Variants in MAP3K20 observed in about 807,000 individuals in gnomAD.
The protein encoded by MAP3K20 is mitogen-activated protein kinase kinase kinase 20.
A neutral mutation model predicts 85.7 loss-of-function variants in MAP3K20; 40 were observed. The observed-to-expected ratio is 0.47, with a 90% CI of 0.36 to 0.61. MAP3K20 has a LOEUF of 0.61. Among genes scored for constraint, MAP3K20 ranks in the 20% least tolerant of loss-of-function variants. The probability of loss-of-function intolerance (pLI) is 0.00; values close to 1 mark genes in which losing one functional copy is unlikely to be tolerated. For missense variants in MAP3K20, 817 were observed against 961.7 expected (o/e 0.85, Z 1.99); for synonymous variants, 325 against 327.7 (o/e 0.99, Z 0.09).
intron 16 of MAP3K20, among the ~76,000 whole-genome samples, chr2:173,252,546 T>C (rs1685062931): frequency 6.6e-6 from 1 of 152,184 alleles, no homozygotes; most frequent in African/African-American, 2.4e-5. Flanking sequence ...CCCAACAAAA[T>C]TCCATTTGTT....
chr2:173,178,649 A>G (rs1690238156), intron 3 of MAP3K20, among the ~76,000 whole-genome samples: 1 of 152,192 alleles, frequency 6.6e-6, no homozygotes, highest in South Asian at 2.1e-4. Context: ...TTCAAAAAAT[A>G]ATAATAATTG....
intron 2 of MAP3K20, among the ~76,000 whole-genome samples, chr2:173,094,501 C>T (rs1206641676): frequency 2.0e-5 from 3 of 152,142 alleles, no homozygotes; most frequent in African/African-American, 7.2e-5. Flanking sequence ...TTTTTCCAAC[C>T]CAGGATCCAA....
rs539242765 is a variant in MAP3K20 at position 173,194,775 on chromosome 2, T to TA, written c.583-3247dup. 2.7e-3 allele frequency among the ~76,000 whole-genome samples: 404 copies of TA among 151,964 alleles called. 6 individuals carry two copies. Among genetic ancestry groups the TA allele is most frequent in the Non-Finnish European group, 3.7e-3 (254 of 67,898 alleles). On this transcript the variant is annotated intron_variant, in intron 7 of 19. Transcript: ENST00000375213. ...ACCATTAAAAAAAAGGTTTTTTTTT[T>TA]AAAATCCACCCAAAAAACTGCAATA...
Position 173,266,359 on chromosome 2 carries a change from G to A in MAP3K20, c.2012G>A (p.Gly671Asp), listed in dbSNP as rs376222255. 1.2e-6 allele frequency: 2 copies of A among 1,614,132 alleles called. No individual in the cohort carries two copies. The highest frequency in any genetic ancestry group is 1.7e-5 in the Admixed American group (1 of 60,016). ...AATACTGACACCTCTTCAGAGAGGG[G>A]TCGATACTCAGACAGAAGCAGGAAC... ...SGNTDTSSER[G>D]RYSDRSRNKY... Residue 671 changes from glycine (G) to aspartate (D), a missense_variant, in exon 20 of 20, where the codon GGT (glycine) becomes GAT (aspartate). Coordinates refer to ENST00000375213, the MANE Select transcript of MAP3K20 (RefSeq NM_016653.3).
At chr2:173,222,676 T>TAG in intron 11 of MAP3K20, 1 of 985,074 alleles carries the variant, frequency 1.0e-6, no homozygotes, top group Non-Finnish European at 1.2e-6. Context: ...ATAAAAGAAA[T>TAG]AGTAAAGATA....
At chr2:173,221,418 G>A (rs1559287028) in intron 11 of MAP3K20, 14 of 1,614,022 alleles carry the variant, frequency 8.7e-6, no homozygotes, top group Non-Finnish European at 1.1e-5. Flanking sequence ...AAGAGAAGGG[G>A]GAAGAAAGTC....
chr2:173,076,587 C>T (rs1686869125), intron 1 of MAP3K20, among the ~76,000 whole-genome samples: 1 of 152,280 alleles, frequency 6.6e-6, no homozygotes, highest in Admixed American at 6.5e-5. Context: ...TTTCCTCACA[C>T]AATTAGGCCA....
intron 1 of MAP3K20, among the ~76,000 whole-genome samples, chr2:173,083,361 ATT>A (rs527936811): frequency 6.7e-6 from 1 of 150,254 alleles, no homozygotes; most frequent in Non-Finnish European, 1.5e-5. Flanking sequence ...TTTATTTTTT[ATT>A]TTTTTTTTTT....
At chr2:173,151,789 C>G (rs1461106558) in intron 2 of MAP3K20, among the ~76,000 whole-genome samples, 2 of 152,168 alleles carry the variant, frequency 1.3e-5, no homozygotes, top group African/African-American at 4.8e-5. Flanking sequence ...TAGTGACACA[C>G]TGGAATAACA....
chr2:173,200,434 G>A (rs1244824833), intron 8 of MAP3K20, among the ~76,000 whole-genome samples: 1 of 151,998 alleles, frequency 6.6e-6, no homozygotes, highest in Non-Finnish European at 1.5e-5. Context: ...GAATATTTTG[G>A]GTTATGGGTT....
At chr2:173,205,009 AGGAGAATGGCATGAACCCGGGAGGC>A (rs1348906366) in intron 9 of MAP3K20, among the ~76,000 whole-genome samples, 10 of 150,962 alleles carry the variant, frequency 6.6e-5, no homozygotes, top group Non-Finnish European at 1.2e-4. Flanking sequence ...AGGCTGAGGC[AGGAGAATGGCATGAACCCGGGAGGC>A]GGAGCTTGCA....
At chr2:173,103,213 A>G (rs1228916204) in intron 2 of MAP3K20, among the ~76,000 whole-genome samples, 2 of 152,208 alleles carry the variant, frequency 1.3e-5, no homozygotes, top group African/African-American at 4.8e-5. Context: ...CTAAAACCTC[A>G]GGATGTCTTC....
intron 2 of MAP3K20, among the ~76,000 whole-genome samples, chr2:173,150,805 G>A (rs186429413): frequency 1.5e-4 from 23 of 152,170 alleles, no homozygotes; most frequent in Non-Finnish European, 3.1e-4. Flanking sequence ...CTTGTGATCC[G>A]CCCGCCTTGA....
chr2:173,168,181 T>C (rs1215070258), intron 2 of MAP3K20, among the ~76,000 whole-genome samples: 2 of 152,056 alleles, frequency 1.3e-5, no homozygotes, highest in African/African-American at 2.4e-5. Flanking sequence ...TGAATAGTTG[T>C]GTTGCACAAA....
At chr2:173,126,352 G>A (rs111867517) in intron 2 of MAP3K20, among the ~76,000 whole-genome samples, 4 of 152,046 alleles carry the variant, frequency 2.6e-5, no homozygotes, top group East Asian at 1.9e-4. Flanking sequence ...ACAAAGTAAC[G>A]ATGAATTTTT....
chr2:173,136,929 C>T (rs1239546496), intron 2 of MAP3K20, among the ~76,000 whole-genome samples: 2 of 152,222 alleles, frequency 1.3e-5, no homozygotes, highest in Non-Finnish European at 2.9e-5. Flanking sequence ...GTTAGGACCA[C>T]TATACCTGGT....
At chr2:173,234,097 A>C (rs918204781) in intron 14 of MAP3K20, among the ~76,000 whole-genome samples, 1 of 152,176 alleles carries the variant, frequency 6.6e-6, no homozygotes, top group Non-Finnish European at 1.5e-5. Context: ...CCAAAAAAGA[A>C]ATTTTGTAAA....
intron 7 of MAP3K20, 62 bp downstream of exon 7, chr2:173,191,239 A>G (rs1051778798): frequency 3.9e-5 from 60 of 1,531,382 alleles, no homozygotes; most frequent in Non-Finnish European, 5.2e-5. Context: ...ACTCAAAAGA[A>G]GAGAGATACA....
rs1454744262 is a variant in MAP3K20 at position 173,262,361 on chromosome 2, A to G, written c.1551+1224A>G. On this transcript the variant is annotated intron_variant, in intron 18 of 19. Transcript: ENST00000375213. ...AAGCCTGTAACCCCAGCACTTTGGGAGGCCAAGGCGGGTGGATCACCTGAG... is the reference window on the plus strand; with the variant it reads ...AAGCCTGTAACCCCAGCACTTTGGGGGGCCAAGGCGGGTGGATCACCTGAG... Among the ~76,000 whole-genome samples, 11 of 152,158 alleles carry G rather than the reference A, an allele frequency of 7.2e-5. No individual in the cohort carries two copies. The East Asian group carries it at 2.1e-3, about 29-fold the overall frequency.
Sources: gnomAD v4.1 joint callset for allele counts (sites outside exome capture counted in the v4.1 genomes callset) on GRCh38, gnomAD v4.1.1 for gene constraint, MANE v1.5 for transcripts, NCBI Gene and HGNC (gene_info 2026-07-23, HGNC 2026-07-21) for gene names.